The following CNTN4 variants were observed in gnomAD, a reference collection of about 807,000 sequenced individuals.
The protein encoded by CNTN4 is contactin 4.
A neutral mutation model predicts 122.5 loss-of-function variants in CNTN4; 77 were observed. The ratio of observed to expected loss-of-function variants is 0.63; its 90% CI spans 0.52 to 0.76. The LOEUF (loss-of-function observed/expected upper bound fraction) is 0.76. Among genes scored for constraint, CNTN4 ranks in the 30% least tolerant of loss-of-function variants. The pLI is 0.00. For synonymous variants in CNTN4, 512 were observed against 447.0 expected, an observed-to-expected ratio of 1.15 and a Z score of -1.83; for missense variants, 1,256 against 1,259.1, an observed-to-expected ratio of 1.00 and a Z score of 0.04.
chr3:3,056,243 C>A lies in CNTN4; in HGVS notation c.*23C>A, dbSNP rs1377128472. 7 of 1,553,566 alleles carry A rather than the reference C, an allele frequency of 4.5e-6. No homozygotes were observed. The highest frequency in any genetic ancestry group is 2.2e-5 in the East Asian group (1 of 44,586). On this transcript the variant is annotated 3_prime_UTR_variant, in exon 25 of 25. Transcript: ENST00000418658. ...TGACAAAAGTTATCTGAAGGACTTG[C>A]TGTTTATAATATAAGCAACATTTAG...
At chr3:2,818,028 T>C (rs900754856) in intron 6 of CNTN4, among the ~76,000 whole-genome samples, 3 of 152,222 alleles carry the variant, frequency 2.0e-5, no homozygotes, top group Non-Finnish European at 4.4e-5. Context: ...AGTATGTGTG[T>C]GTCCTTCATG....
intron 4 of CNTN4, among the ~76,000 whole-genome samples, chr3:2,653,340 G>A (rs746322531): frequency 9.2e-5 from 14 of 152,054 alleles, no homozygotes; most frequent in Non-Finnish European, 1.9e-4. Flanking sequence ...TTCATTTGAT[G>A]TTGTCTACCA....
intron 6 of CNTN4, among the ~76,000 whole-genome samples, chr3:2,802,185 A>G (rs1188506044): frequency 6.6e-6 from 1 of 152,230 alleles, no homozygotes; most frequent in East Asian, 1.9e-4. Context: ...GTGCCCACCA[A>G]GTGCCCATCC....
chr3:2,555,644 G>C (rs973127624), intron 3 of CNTN4, among the ~76,000 whole-genome samples: 2 of 152,164 alleles, frequency 1.3e-5, no homozygotes, highest in Non-Finnish European at 2.9e-5. Flanking sequence ...GGAAGAGAGA[G>C]GGGAACAGCA....
intron 2 of CNTN4, among the ~76,000 whole-genome samples, chr3:2,166,841 G>A (rs971528772): frequency 1.8e-4 from 27 of 152,096 alleles, no homozygotes; most frequent in African/African-American, 6.5e-4. Context: ...TACCAACAGT[G>A]AAATACAAAT....
intron 2 of CNTN4, among the ~76,000 whole-genome samples, chr3:2,148,123 C>T (rs975107446): frequency 1.3e-5 from 2 of 152,102 alleles, no homozygotes; most frequent in East Asian, 1.9e-4. Context: ...GGGACTTTAT[C>T]GCTAATGATA....
At chr3:2,283,998 C>G (rs1292210583) in intron 2 of CNTN4, among the ~76,000 whole-genome samples, 3 of 152,040 alleles carry the variant, frequency 2.0e-5, no homozygotes, top group Non-Finnish European at 2.9e-5. Flanking sequence ...TAGTTCATCT[C>G]TTGCTATTTG....
intron 2 of CNTN4, among the ~76,000 whole-genome samples, chr3:2,196,352 A>C (rs1238998481): frequency 2.0e-5 from 3 of 152,232 alleles, no homozygotes; most frequent in Admixed American, 6.5e-5. Flanking sequence ...CCTGGCTTCT[A>C]TCATGGACTT....
At chr3:2,112,517 C>T (rs1288774979) in intron 2 of CNTN4, among the ~76,000 whole-genome samples, 1 of 152,030 alleles carries the variant, frequency 6.6e-6, no homozygotes, top group Non-Finnish European at 1.5e-5. Flanking sequence ...TATTTTACTT[C>T]CTATGTGTTT....
intron 2 of CNTN4, among the ~76,000 whole-genome samples, chr3:2,129,538 T>G (rs1391880331): frequency 6.6e-6 from 1 of 152,074 alleles, no homozygotes; most frequent in Non-Finnish European, 1.5e-5. Context: ...TGACTTGAAC[T>G]TCTTCTAACA....
At chr3:2,875,650 T>C (rs1348776262) in intron 8 of CNTN4, among the ~76,000 whole-genome samples, 3 of 152,172 alleles carry the variant, frequency 2.0e-5, no homozygotes, top group African/African-American at 7.2e-5. Flanking sequence ...TTTCTGGCCT[T>C]TTACAGAAAA....
intron 3 of CNTN4, among the ~76,000 whole-genome samples, chr3:2,417,748 T>C (rs939422866): frequency 2.0e-5 from 3 of 152,282 alleles, no homozygotes; most frequent in Admixed American, 6.5e-5. Flanking sequence ...CTTCAGTAGA[T>C]GAATGGTTAA....
intron 2 of CNTN4, among the ~76,000 whole-genome samples, chr3:2,207,090 G>A (rs2038391093): frequency 1.3e-5 from 2 of 151,716 alleles, no homozygotes; most frequent in South Asian, 4.2e-4. Flanking sequence ...AAATTTGGGG[G>A]GTGTCATGAA....
intron 4 of CNTN4, among the ~76,000 whole-genome samples, chr3:2,613,681 A>T (rs991011011): frequency 6.6e-6 from 1 of 152,162 alleles, no homozygotes; most frequent in East Asian, 1.9e-4. Context: ...CATGAAAAAG[A>T]CAAGACTCAA....
At chr3:2,165,500 C>G (rs764722788) in intron 2 of CNTN4, among the ~76,000 whole-genome samples, 1 of 150,330 alleles carries the variant, frequency 6.7e-6, no homozygotes, top group South Asian at 2.1e-4. Context: ...ATCTTCATCA[C>G]CTCACATAGT....
Position 2,496,020 on chromosome 3 carries a change from G to A in CNTN4, c.-88-75396G>A, listed in dbSNP as rs138997055. 2.0e-3 allele frequency among the ~76,000 whole-genome samples: 312 copies of A among 152,198 alleles called. 2 individuals carry two copies. The highest frequency in any genetic ancestry group is 3.4e-3 in the Middle Eastern group (1 of 294). ...CCAGATGATAGATTTATGCACAAGC[G>A]GGCTCAGAAAAATTAGACTTAAGAA... On this transcript the variant is annotated intron_variant, in intron 3 of 24. Coordinates refer to ENST00000418658, the MANE Select transcript of CNTN4 (RefSeq NM_175607.3).
At chr3:2,659,355 G>A (rs1332429523) in intron 4 of CNTN4, among the ~76,000 whole-genome samples, 9 of 151,488 alleles carry the variant, frequency 5.9e-5, no homozygotes, top group African/African-American at 9.7e-5. Context: ...CCAGCTACTC[G>A]GGAGGCTGAG....
At chr3:2,224,448 A>G (rs2039187839) in intron 2 of CNTN4, among the ~76,000 whole-genome samples, 1 of 152,198 alleles carries the variant, frequency 6.6e-6, no homozygotes, top group Non-Finnish European at 1.5e-5. Flanking sequence ...TGGGAGAGAG[A>G]GAGCATAAGG....
chr3:2,477,652 C>G (rs1248285117), intron 3 of CNTN4, among the ~76,000 whole-genome samples: 1 of 152,182 alleles, frequency 6.6e-6, no homozygotes, highest in Non-Finnish European at 1.5e-5. Flanking sequence ...TTCTTGAAAT[C>G]TAGCAAAGTG....
Sources: gnomAD v4.1 joint callset for allele counts (sites outside exome capture counted in the v4.1 genomes callset) on GRCh38, gnomAD v4.1.1 for gene constraint, MANE v1.5 for transcripts, NCBI Gene and HGNC (gene_info 2026-07-23, HGNC 2026-07-21) for gene names.